Variants in ZNRF1 observed in about 807,000 individuals in gnomAD.
The protein encoded by ZNRF1 is zinc and ring finger 1.
A neutral mutation model predicts 18.4 loss-of-function variants in ZNRF1; 3 were observed. That is an observed-to-expected ratio of 0.16 (90% CI 0.07 to 0.42). The LOEUF (loss-of-function observed/expected upper bound fraction) is 0.42. Among genes scored for constraint, ZNRF1 ranks in the 10% least tolerant of loss-of-function variants. ZNRF1 has a pLI of 0.99. For synonymous variants in ZNRF1, 157 were observed against 144.2 expected, an observed-to-expected ratio of 1.09 and a Z score of -0.64; for missense variants, 310 against 329.8, an observed-to-expected ratio of 0.94 and a Z score of 0.47.
chr16:75,013,637 G>A (rs2035028887), intron 1 of ZNRF1, among the ~76,000 whole-genome samples: 3 of 152,170 alleles, frequency 2.0e-5, no homozygotes, highest in African/African-American at 7.2e-5. Context: ...GAGCCACCGC[G>A]CCAGGCCTGT....
chr16:75,057,535 A>G (rs938730754), intron 1 of ZNRF1, among the ~76,000 whole-genome samples: 1 of 152,202 alleles, frequency 6.6e-6, no homozygotes, highest in Non-Finnish European at 1.5e-5. Flanking sequence ...ATTTTTATAA[A>G]TAAGGGATTC....
rs550079870 is a variant in ZNRF1, at chr16:75,013,847, C to T, written c.424+13752C>T. On this transcript the variant is annotated intron_variant, in intron 1 of 4. Coordinates refer to ENST00000335325, the MANE Select transcript of ZNRF1 (RefSeq NM_032268.5). ...TTTAATTTAATTTTATTTTTTTTTT[C>T]GAGACGGAGTCTCACTGTATCGCCC... is the stretch of plus-strand genomic sequence containing the variant. 5.4e-5 allele frequency among the ~76,000 whole-genome samples: 8 copies of T among 147,578 alleles called. No homozygotes were observed. In the East Asian group the frequency reaches 5.9e-4, roughly 11 times the overall value.
intron 1 of ZNRF1, among the ~76,000 whole-genome samples, chr16:75,084,903 G>A (rs2036056150): frequency 6.6e-6 from 1 of 152,152 alleles, no homozygotes; most frequent in South Asian, 2.1e-4. Flanking sequence ...TGGAAAAGTT[G>A]GAAGAAGTTT....
At chr16:75,016,201 G>C (rs183308448) in intron 1 of ZNRF1, among the ~76,000 whole-genome samples, 6 of 151,792 alleles carry the variant, frequency 4.0e-5, no homozygotes, top group Admixed American at 3.9e-4. Flanking sequence ...GGGATTACAG[G>C]CATGAGCCAC....
At chr16:75,068,157 C>T (rs892269199) in intron 1 of ZNRF1, among the ~76,000 whole-genome samples, 1 of 141,310 alleles carries the variant, frequency 7.1e-6, no homozygotes, top group Non-Finnish European at 1.5e-5. Context: ...AATTCAAGAC[C>T]AACCTGGTGA....
chr16:75,004,148 G>A (rs933414033), intron 1 of ZNRF1, among the ~76,000 whole-genome samples: 1 of 152,080 alleles, frequency 6.6e-6, no homozygotes, highest in African/African-American at 2.4e-5. Flanking sequence ...AATTTGATGG[G>A]TGGAGAGAGG....
At chr16:75,066,538 G>A (rs73614070) in intron 1 of ZNRF1, among the ~76,000 whole-genome samples, 1,586 of 152,146 alleles carry the variant, frequency 0.01, 34 homozygotes, top group African/African-American at 0.036. Flanking sequence ...AGTTTTGCTC[G>A]GTCACCTAGG....
Position 75,108,500 on chromosome 16 carries a change from AC to A in ZNRF1, c.*804del, listed in dbSNP as rs1275183247. 5.0e-6 allele frequency: 2 copies of A among 398,352 alleles called. No homozygotes were observed. The highest frequency in any genetic ancestry group is 8.8e-6 in the Non-Finnish European group (2 of 225,998). The allele number at this position is 398,352 out of a possible 1,614,324, so 24.7% of individuals were successfully genotyped here. A position where few individuals can be genotyped will look rare whatever the true frequency, so the allele number is the denominator to read the frequency against. On this transcript the variant is annotated 3_prime_UTR_variant, in exon 5 of 5. Transcript: ENST00000335325. ...GACTTACTAAGAAATATGTACAGCT[AC>A]CCCTGTTTTCAGGCACTATGTTTGA...
At chr16:75,043,500 GC>G (rs928175790) in intron 1 of ZNRF1, among the ~76,000 whole-genome samples, 2 of 151,950 alleles carry the variant, frequency 1.3e-5, no homozygotes, top group Non-Finnish European at 2.9e-5. Context: ...ACCTCACCAG[GC>G]CTTTTTGTGC....
chr16:75,108,345 T>C lies in ZNRF1; in HGVS notation c.*645T>C, dbSNP rs2036341500. The C allele has an allele frequency of 5.3e-6, 2 of 377,806 alleles. No individual in the cohort carries two copies. The highest frequency in any genetic ancestry group is 9.3e-6 in the Non-Finnish European group (2 of 214,770). The allele number at this position is 377,806 out of a possible 1,614,324, so 23.4% of individuals were successfully genotyped here. ...ACTTTCTTCCTACTGATCCCATCTCTTTTCCCTTCTTTCCTCCTGGTTCCG... is the reference window on the plus strand; with the variant it reads ...ACTTTCTTCCTACTGATCCCATCTCCTTTCCCTTCTTTCCTCCTGGTTCCG... On this transcript the variant is annotated 3_prime_UTR_variant, in exon 5 of 5. Coordinates refer to ENST00000335325, the MANE Select transcript of ZNRF1 (RefSeq NM_032268.5).
At chr16:75,104,000 G>C (rs760383595) in intron 2 of ZNRF1, 9 of 151,316 alleles carry the variant, frequency 5.9e-5, no homozygotes, top group Non-Finnish European at 4.4e-5. Context: ...AAAGCGGGGT[G>C]GTGGGGGGGG....
intron 1 of ZNRF1, among the ~76,000 whole-genome samples, chr16:75,048,689 C>T (rs1394023938): frequency 6.6e-6 from 1 of 152,132 alleles, no homozygotes; most frequent in South Asian, 2.1e-4. Flanking sequence ...AAGGACTGCA[C>T]AGATGATGAT....
chr16:75,020,341 C>T (rs1358524660), intron 1 of ZNRF1, among the ~76,000 whole-genome samples: 2 of 151,668 alleles, frequency 1.3e-5, no homozygotes, highest in African/African-American at 4.8e-5. Context: ...TTTTTCCAGC[C>T]TATTTTGAGA....
intron 1 of ZNRF1, among the ~76,000 whole-genome samples, chr16:75,001,494 A>T (rs1011474334): frequency 1.3e-5 from 2 of 152,190 alleles, no homozygotes; most frequent in African/African-American, 4.8e-5. Flanking sequence ...CTCTGCCCTG[A>T]GTGAGAAGCA....
intron 1 of ZNRF1, among the ~76,000 whole-genome samples, chr16:75,051,084 C>T (rs1029897988): frequency 1.1e-4 from 16 of 151,116 alleles, no homozygotes; most frequent in African/African-American, 3.9e-4. Context: ...GCCTGTAGTC[C>T]CAGTTACTCA....
At chr16:75,103,900 A>G (rs11862008) in intron 2 of ZNRF1, among the ~76,000 whole-genome samples, 2,710 of 151,856 alleles carry the variant, frequency 0.018, 88 homozygotes, top group African/African-American at 0.058. Flanking sequence ...CAGGAAAATC[A>G]CTTGAACCCA....
Position 74,999,521 on chromosome 16 carries a change from C to CT in ZNRF1, c.-145dup. On this transcript the variant is annotated 5_prime_UTR_variant, in exon 1 of 5. Transcript: ENST00000335325. ...CCTCTTCCGCCCCGCGGGTTTTTTC[C>CT]TTTTTTCCTTTTGCTTTTTTTCCTT... 1 of 570,910 alleles carries CT rather than the reference C, an allele frequency of 1.8e-6. No individual in the cohort carries two copies. Among genetic ancestry groups the CT allele is most frequent in the Non-Finnish European group, 2.6e-6 (1 of 379,968 alleles). The allele number at this position is 570,910 out of a possible 1,614,324, so 35.4% of individuals were successfully genotyped here. A position where few individuals can be genotyped will look rare whatever the true frequency, so the allele number is the denominator to read the frequency against.
chr16:75,035,645 T>C (rs1013494055), intron 1 of ZNRF1, among the ~76,000 whole-genome samples: 2 of 152,210 alleles, frequency 1.3e-5, no homozygotes, highest in South Asian at 2.1e-4. Flanking sequence ...AGAGATCAAA[T>C]GCACGGTTTG....
chr16:75,107,377 C>T (rs371947725), intron 4 of ZNRF1: 2 of 211,920 alleles, frequency 9.4e-6, no homozygotes, highest in South Asian at 5.6e-5. Flanking sequence ...CCTTTTTCTT[C>T]CCCCCTCCCT....
Sources: gnomAD v4.1 joint callset for allele counts (sites outside exome capture counted in the v4.1 genomes callset) on GRCh38, gnomAD v4.1.1 for gene constraint, MANE v1.5 for transcripts, NCBI Gene and HGNC (gene_info 2026-07-23, HGNC 2026-07-21) for gene names.